RAD51B: variants seen among roughly 807,000 people sequenced by gnomAD.
The protein encoded by RAD51B is DNA repair protein RAD51 homolog 2.
A neutral mutation model predicts 42.2 loss-of-function variants in RAD51B; 38 were observed. The ratio of observed to expected loss-of-function variants is 0.90; its 90% CI spans 0.70 to 1.18. The LOEUF (loss-of-function observed/expected upper bound fraction) is 1.18. RAD51B is among the 50% of genes most tolerant of loss of function. RAD51B has a pLI of 0.00. For missense variants in RAD51B, 373 were observed against 400.7 expected, an observed-to-expected ratio of 0.93 and a Z score of 0.59; for synonymous variants, 154 against 145.2, an observed-to-expected ratio of 1.06 and a Z score of -0.43.
chr14:68,421,242 G>A (rs1011852200), intron 9 of RAD51B, among the ~76,000 whole-genome samples: 5 of 152,122 alleles, frequency 3.3e-5, no homozygotes, highest in African/African-American at 1.2e-4. Context: ...TATCACACAT[G>A]TGGCTAAAGC....
intron 7 of RAD51B, among the ~76,000 whole-genome samples, chr14:68,118,172 A>C (rs575060465): frequency 6.6e-6 from 1 of 152,364 alleles, no homozygotes; most frequent in South Asian, 2.1e-4. Context: ...ACAAAATAGT[A>C]GTTTCCATAT....
rs186985097 is a variant in RAD51B, at chr14:68,155,439, G to A, written c.757-136445G>A. On this transcript the variant is annotated intron_variant, in intron 7 of 10. Transcript: ENST00000471583. ...GATCTCTTGATCTCATGATCCACCC[G>A]CCTCGGCCTCCCAAAGTGCTGAGAT... 5.3e-5 allele frequency among the ~76,000 whole-genome samples: 8 copies of A among 152,090 alleles called. No individual in the cohort carries two copies. In the East Asian group the frequency reaches 1.4e-3, roughly 26 times the overall value.
intron 11 of RAD51B, among the ~76,000 whole-genome samples, chr14:68,673,112 TC>T (rs1310794141): frequency 1.3e-5 from 2 of 152,170 alleles, no homozygotes; most frequent in African/African-American, 2.4e-5. Context: ...TAGGCCCAAG[TC>T]CAACATTTAG....
chr14:68,068,346 T>C (rs933710881), intron 7 of RAD51B, among the ~76,000 whole-genome samples: 3 of 152,208 alleles, frequency 2.0e-5, no homozygotes, highest in Non-Finnish European at 4.4e-5. Context: ...ATTCTTGACA[T>C]TTCATAGAAC....
At chr14:67,825,614 A>C (rs751823500) in intron 3 of RAD51B, 37 bp downstream of exon 3, 24 of 1,456,274 alleles carry the variant, frequency 1.6e-5, no homozygotes, top group Non-Finnish European at 2.1e-5. Flanking sequence ...ATTATGAATG[A>C]TTCCTCATCT....
intron 7 of RAD51B, among the ~76,000 whole-genome samples, chr14:68,059,029 C>T (rs8009912): frequency 1.5e-4 from 23 of 152,264 alleles, no homozygotes; most frequent in African/African-American, 5.3e-4. Context: ...CCTCCACCCT[C>T]CTAACTTTTT....
chr14:68,594,596 T>G (rs764485861), exon 11 of RAD51B: 52 of 1,291,846 alleles, frequency 4.0e-5, no homozygotes, highest in Admixed American at 9.1e-5. Flanking sequence ...ACCCAGCTAA[T>G]TTTTTAATTT....
chr14:68,024,393 G>A (rs1287384580), intron 7 of RAD51B, among the ~76,000 whole-genome samples: 1 of 152,106 alleles, frequency 6.6e-6, no homozygotes, highest in Admixed American at 6.6e-5. Flanking sequence ...TAGTTTGATA[G>A]GAATAGCATT....
At chr14:68,660,832 G>GA (rs534085126) in intron 11 of RAD51B, among the ~76,000 whole-genome samples, 1 of 152,206 alleles carries the variant, frequency 6.6e-6, no homozygotes, top group Non-Finnish European at 1.5e-5. Context: ...AGTGAATTCT[G>GA]AAACTGGCCG....
At chr14:68,251,214 A>T (rs1193526268) in intron 7 of RAD51B, among the ~76,000 whole-genome samples, 1 of 151,082 alleles carries the variant, frequency 6.6e-6, no homozygotes, top group Non-Finnish European at 1.5e-5. Context: ...AAAAAAAAAG[A>T]TTTTGCTTAT....
chr14:67,977,664 T>C (rs1399863669), intron 7 of RAD51B, among the ~76,000 whole-genome samples: 2 of 152,010 alleles, frequency 1.3e-5, no homozygotes, highest in Admixed American at 1.3e-4. Context: ...GGGCAATAAT[T>C]GAAATTTTGT....
At chr14:68,406,368 A>G (rs1447078378) in intron 8 of RAD51B, among the ~76,000 whole-genome samples, 1 of 152,240 alleles carries the variant, frequency 6.6e-6, no homozygotes, top group Non-Finnish European at 1.5e-5. Flanking sequence ...CTACAGACCC[A>G]TTCAGCATGT....
At chr14:68,384,660 A>G (rs571648023) in intron 8 of RAD51B, among the ~76,000 whole-genome samples, 2 of 152,242 alleles carry the variant, frequency 1.3e-5, no homozygotes, top group African/African-American at 4.8e-5. Flanking sequence ...TCTTGGGATC[A>G]GAATTAAGGT....
At chr14:67,869,709 G>A (rs1038880869) in intron 5 of RAD51B, among the ~76,000 whole-genome samples, 2 of 152,066 alleles carry the variant, frequency 1.3e-5, no homozygotes, top group African/African-American at 2.4e-5. Flanking sequence ...ACCCTCAAAG[G>A]GAAGCCCATC....
chr14:67,922,687 C>CTTTTT (rs34206440), intron 7 of RAD51B, among the ~76,000 whole-genome samples: 20 of 132,510 alleles, frequency 1.5e-4, no homozygotes, highest in African/African-American at 2.2e-4. Context: ...AATATGTAGT[C>CTTTTT]TTTTTTTTTT....
chr14:68,090,216 T>C (rs1426504154), intron 7 of RAD51B, among the ~76,000 whole-genome samples: 1 of 152,158 alleles, frequency 6.6e-6, no homozygotes, highest in African/African-American at 2.4e-5. Context: ...TCGTTAATCT[T>C]CCAGCATTGA....
chr14:68,096,828 T>G (rs1370055350), intron 7 of RAD51B, among the ~76,000 whole-genome samples: 1 of 150,708 alleles, frequency 6.6e-6, no homozygotes, highest in Admixed American at 6.6e-5. Context: ...GTGCCAGTCT[T>G]ACTCCTGGCA....
At chr14:68,421,519 A>G (rs2140107884) in intron 9 of RAD51B, among the ~76,000 whole-genome samples, 1 of 152,208 alleles carries the variant, frequency 6.6e-6, no homozygotes, top group Non-Finnish European at 1.5e-5. Flanking sequence ...TTTCATAATC[A>G]TAAACTTAAC....
At position 67,825,348 on chromosome 14, in the gene RAD51B, A is replaced by G. The variant is rs2040789979; in HGVS notation, c.85-116A>G. 9.8e-6 allele frequency: 6 copies of G among 614,126 alleles called. No individual in the cohort carries two copies. The East Asian group carries it at 1.5e-4, about 15-fold the overall frequency. 38.0% of individuals were successfully genotyped at this position (614,126 alleles called of 1,614,324 possible). A position where few individuals can be genotyped will look rare whatever the true frequency, so the allele number is the denominator to read the frequency against. ...ACTACAATGAATGTATAAATCTTTGATCTGCGATAAATTATACTTTTGTCT... is the reference window on the plus strand; with the variant it reads ...ACTACAATGAATGTATAAATCTTTGGTCTGCGATAAATTATACTTTTGTCT... On this transcript the variant is annotated intron_variant, in intron 2 of 10. Transcript: ENST00000471583.
Sources: gnomAD v4.1 joint callset for allele counts (sites outside exome capture counted in the v4.1 genomes callset) on GRCh38, gnomAD v4.1.1 for gene constraint, MANE v1.5 for transcripts, NCBI Gene and HGNC (gene_info 2026-07-23, HGNC 2026-07-21) for gene names.